DSCAML1: variants seen among roughly 807,000 people sequenced by gnomAD.
The protein encoded by DSCAML1 is DS cell adhesion molecule like 1.
Under a neutral mutation model 200.5 loss-of-function variants are expected in DSCAML1, and 38 were observed. That is an observed-to-expected ratio of 0.19 (90% CI 0.15 to 0.25). The LOEUF (loss-of-function observed/expected upper bound fraction) is 0.25, where lower values mean the gene tolerates loss of function less well. Ranked by LOEUF, DSCAML1 falls within the 10% of genes least tolerant of loss-of-function variation. DSCAML1 has a pLI of 1.00. For synonymous variants in DSCAML1, 1,215 were observed against 1,165.0 expected (o/e 1.04, Z -0.87); for missense variants, 2,223 against 2,858.8 (o/e 0.78, Z 5.07).
intron 3 of DSCAML1, among the ~76,000 whole-genome samples, chr11:117,606,104 T>C (rs1051055304): frequency 2.0e-5 from 3 of 152,158 alleles, no homozygotes; most frequent in African/African-American, 7.2e-5. Context: ...TTCTTTGCAG[T>C]GGTCCCAGGA....
At chr11:117,441,607 C>G (rs2048050786) in intron 21 of DSCAML1, among the ~76,000 whole-genome samples, 1 of 152,120 alleles carries the variant, frequency 6.6e-6, no homozygotes, top group Non-Finnish European at 1.5e-5. Flanking sequence ...TTTAAAGGAA[C>G]CAAGTGCCCA....
chr11:117,765,698 GA>G (rs1048712383), intron 3 of DSCAML1, among the ~76,000 whole-genome samples: 2 of 152,164 alleles, frequency 1.3e-5, no homozygotes, highest in African/African-American at 2.4e-5. Context: ...TATATACATG[GA>G]AAATGTATTT....
intron 17 of DSCAML1, among the ~76,000 whole-genome samples, chr11:117,464,023 G>T (rs919031392): frequency 6.6e-6 from 1 of 152,214 alleles, no homozygotes; most frequent in Non-Finnish European, 1.5e-5. Flanking sequence ...CTAGGAGGAG[G>T]ACATTGCTTC....
intron 3 of DSCAML1, among the ~76,000 whole-genome samples, chr11:117,743,654 T>G (rs537710511): frequency 1.1e-3 from 160 of 152,310 alleles, no homozygotes; most frequent in African/African-American, 3.7e-3. Context: ...TTCTGAAGAC[T>G]CTCACTCAGT....
intron 18 of DSCAML1, among the ~76,000 whole-genome samples, chr11:117,459,639 A>G (rs980349133): frequency 6.6e-6 from 1 of 152,216 alleles, no homozygotes; most frequent in African/African-American, 2.4e-5. Flanking sequence ...ACCTTCTCAT[A>G]GACTCTAAAG....
chr11:117,483,673 C>A (rs576336256), intron 11 of DSCAML1, among the ~76,000 whole-genome samples: 4 of 152,204 alleles, frequency 2.6e-5, no homozygotes, highest in Non-Finnish European at 2.9e-5. Context: ...GGCGCCCAGG[C>A]AGGAGAATCT....
intron 3 of DSCAML1, among the ~76,000 whole-genome samples, chr11:117,650,700 T>TGTGCGCGC (rs147584706): frequency 1.0e-3 from 151 of 147,460 alleles, no homozygotes; most frequent in African/African-American, 3.4e-3. Flanking sequence ...TGTGTGTGTG[T>TGTGCGCGC]GCGTGTGTGT....
intron 20 of DSCAML1, among the ~76,000 whole-genome samples, chr11:117,448,070 C>T (rs1370385581): frequency 6.6e-6 from 1 of 152,132 alleles, no homozygotes. Context: ...AATCGCAAGA[C>T]ATGAAGAAGA....
intron 11 of DSCAML1, among the ~76,000 whole-genome samples, chr11:117,501,318 A>G (rs1401515014): frequency 6.6e-6 from 1 of 152,180 alleles, no homozygotes; most frequent in Non-Finnish European, 1.5e-5. Context: ...GGCCAGGTGC[A>G]CCAGCAGTCC....
intron 3 of DSCAML1, among the ~76,000 whole-genome samples, chr11:117,647,321 A>G (rs140923404): frequency 6.6e-6 from 1 of 152,310 alleles, no homozygotes; most frequent in East Asian, 1.9e-4. Flanking sequence ...GAGTCAGGCT[A>G]ATGAGCCAGG....
intron 3 of DSCAML1, among the ~76,000 whole-genome samples, chr11:117,683,255 G>A (rs1157218268): frequency 6.6e-6 from 1 of 152,232 alleles, no homozygotes; most frequent in African/African-American, 2.4e-5. Flanking sequence ...CAACAACTGA[G>A]CGATAAGGAA....
chr11:117,714,112 G>T (rs190908203), intron 3 of DSCAML1, among the ~76,000 whole-genome samples: 2 of 152,322 alleles, frequency 1.3e-5, no homozygotes, highest in East Asian at 3.9e-4. Flanking sequence ...TCCTAGGGTT[G>T]TTGTCAAGAT....
At chr11:117,577,494 C>T (rs1198708715) in intron 3 of DSCAML1, among the ~76,000 whole-genome samples, 2 of 17,506 alleles carry the variant, frequency 1.1e-4, no homozygotes, top group African/African-American at 2.6e-4. Flanking sequence ...TCCTTCCTTC[C>T]TTCCTTCCTT....
chr11:117,643,860 G>C (rs1215836306), intron 3 of DSCAML1, among the ~76,000 whole-genome samples: 2 of 152,214 alleles, frequency 1.3e-5, no homozygotes, highest in Admixed American at 1.3e-4. Flanking sequence ...AGCATTACTT[G>C]CATTCCACAG....
chr11:117,710,551 T>G (rs556265774), intron 3 of DSCAML1, among the ~76,000 whole-genome samples: 1 of 152,308 alleles, frequency 6.6e-6, no homozygotes, highest in South Asian at 2.1e-4. Flanking sequence ...AGAGTAGTTT[T>G]CTGGTTTCAA....
Position 117,437,419 on chromosome 11 carries a change from C to G in DSCAML1, c.4433-10G>C. 1 of 1,608,272 alleles carries G rather than the reference C, an allele frequency of 6.2e-7. No homozygotes were observed. The highest frequency in any genetic ancestry group is 8.5e-7 in the Non-Finnish European group (1 of 1,175,852). Reference sequence around the variant, plus strand: ...TTGCTGAAGGAGGGCTCTGGCAGGCCGGAGGGAGAGAGAGAGGTTAGAGAG... The same window carrying G: ...TTGCTGAAGGAGGGCTCTGGCAGGCGGGAGGGAGAGAGAGAGGTTAGAGAG... On this transcript the variant is annotated splice_polypyrimidine_tract_variant and intron_variant, in intron 25 of 32. Transcript: ENST00000651296. This position sits in a 1 kb window ranked among gnomAD's most constrained non-coding sequence, Gnocchi z 5.3.
intron 3 of DSCAML1, among the ~76,000 whole-genome samples, chr11:117,546,322 A>G (rs1480379065): frequency 6.6e-6 from 1 of 152,232 alleles, no homozygotes; most frequent in Non-Finnish European, 1.5e-5. Flanking sequence ...GAGCCACTGA[A>G]TCTCTCTGAA....
At chr11:117,688,902 T>C (rs556631361) in intron 3 of DSCAML1, among the ~76,000 whole-genome samples, 2 of 152,342 alleles carry the variant, frequency 1.3e-5, no homozygotes, top group African/African-American at 4.8e-5. Context: ...GCAACCTCCA[T>C]ACTCTCCATG....
chr11:117,603,057 C>T (rs1392112952), intron 3 of DSCAML1, among the ~76,000 whole-genome samples: 3 of 152,176 alleles, frequency 2.0e-5, no homozygotes, highest in Admixed American at 6.5e-5. Flanking sequence ...GATTGCATCG[C>T]TGCACTTCAG....
Sources: allele counts gnomAD v4.1 joint callset (sites outside exome capture counted in the v4.1 genomes callset), GRCh38; gene constraint gnomAD v4.1.1; non-coding constraint Gnocchi (gnomAD v3.1); transcripts MANE v1.5; gene names NCBI Gene and HGNC (gene_info 2026-07-23, HGNC 2026-07-21).